The following FOXP1 variants were observed in gnomAD, a reference collection of about 807,000 sequenced individuals.
FOXP1 encodes the protein forkhead box protein P1.
In FOXP1, 15 loss-of-function variants were observed where a neutral mutation model predicts 98.2. That is an observed-to-expected ratio of 0.15 (90% CI 0.10 to 0.24). The LOEUF (loss-of-function observed/expected upper bound fraction) is 0.24, where lower values mean the gene tolerates loss of function less well. Among genes scored for constraint, FOXP1 ranks in the 10% least tolerant of loss-of-function variants. The pLI, the probability that FOXP1 is intolerant of heterozygous loss-of-function variation, is 1.00. For missense variants in FOXP1, 633 were observed against 848.5 expected (o/e 0.75, Z 3.15); for synonymous variants, 371 against 314.5 (o/e 1.18, Z -1.90).
chr3:71,044,676 TA>T, intron 10 of FOXP1, among the ~76,000 whole-genome samples: 1 of 152,332 alleles, frequency 6.6e-6, no homozygotes, highest in South Asian at 2.1e-4. Flanking sequence ...TTTTAACAGA[TA>T]ACCCCCAAGT....
At chr3:71,549,279 A>G (rs1039848974) in intron 2 of FOXP1, among the ~76,000 whole-genome samples, 1 of 152,240 alleles carries the variant, frequency 6.6e-6, no homozygotes, top group African/African-American at 2.4e-5. Context: ...TGTTTCTTTC[A>G]TGGCAACAGT....
intron 2 of FOXP1, chr3:71,572,830 C>T (rs1382371317): frequency 3.3e-5 from 5 of 152,004 alleles, no homozygotes; most frequent in Admixed American, 3.3e-4. Context: ...CTTTTTTGTG[C>T]CTTACATATT....
chr3:71,498,065 A>G (rs1207839592), intron 2 of FOXP1, among the ~76,000 whole-genome samples: 1 of 152,158 alleles, frequency 6.6e-6, no homozygotes, highest in East Asian at 1.9e-4. Flanking sequence ...GTGGCTACTA[A>G]GTCCTTTCCA....
At chr3:71,517,533 C>A (rs1267288401) in intron 2 of FOXP1, among the ~76,000 whole-genome samples, 2 of 152,224 alleles carry the variant, frequency 1.3e-5, no homozygotes, top group Non-Finnish European at 2.9e-5. Flanking sequence ...ACCAACACAG[C>A]AACTTGACCA....
intron 12 of FOXP1, among the ~76,000 whole-genome samples, chr3:71,002,493 G>C (rs957311125): frequency 6.6e-6 from 1 of 152,174 alleles, no homozygotes; most frequent in Non-Finnish European, 1.5e-5. Context: ...GGAAGCCCGA[G>C]CTAAGCAGTT....
At chr3:71,102,960 AC>A (rs2057098844) in intron 7 of FOXP1, among the ~76,000 whole-genome samples, 1 of 152,146 alleles carries the variant, frequency 6.6e-6, no homozygotes, top group South Asian at 2.1e-4. Context: ...AATAGAACTT[AC>A]CCCATATGGT....
intron 6 of FOXP1, among the ~76,000 whole-genome samples, chr3:71,133,815 C>T (rs547658080): frequency 1.3e-5 from 1 of 77,968 alleles, no homozygotes; most frequent in African/African-American, 3.0e-5. Flanking sequence ...GAAAGTCTAC[C>T]CCGAATATGT....
intron 5 of FOXP1, among the ~76,000 whole-genome samples, chr3:71,206,664 C>T (rs1366119076): frequency 6.6e-6 from 1 of 152,206 alleles, no homozygotes; most frequent in Admixed American, 6.5e-5. Flanking sequence ...TAAAGTTGTT[C>T]AGAGCAACTG....
intron 11 of FOXP1, chr3:71,040,231 T>A (rs1236843762): frequency 6.6e-6 from 1 of 152,142 alleles, no homozygotes; most frequent in East Asian, 1.9e-4. Context: ...TTTTGAGAAA[T>A]ATATGAAATT....
At chr3:71,225,865 C>T (rs182689857) in intron 5 of FOXP1, among the ~76,000 whole-genome samples, 23 of 152,224 alleles carry the variant, frequency 1.5e-4, no homozygotes, top group African/African-American at 5.3e-4. Context: ...AGAGGAAGAA[C>T]GGGTGCAGCA....
intron 4 of FOXP1, among the ~76,000 whole-genome samples, chr3:71,332,039 T>A (rs1188069688): frequency 1.3e-5 from 2 of 152,172 alleles, no homozygotes; most frequent in South Asian, 2.1e-4. Context: ...TGGGGCCACA[T>A]AGAGAAATAA....
At chr3:71,542,196 C>A in intron 2 of FOXP1, 1 of 380,072 alleles carries the variant, frequency 2.6e-6, no homozygotes. Context: ...TTTCATATGG[C>A]ACATAAATTT....
chr3:70,981,348 G>A (rs1353728562), intron 14 of FOXP1, among the ~76,000 whole-genome samples: 1 of 152,146 alleles, frequency 6.6e-6, no homozygotes, highest in African/African-American at 2.4e-5. Context: ...GAGCAGAGAG[G>A]GGGCTTACCA....
At chr3:70,973,193 CGCCTT>C (rs1412563814) in intron 17 of FOXP1, among the ~76,000 whole-genome samples, 1 of 152,106 alleles carries the variant, frequency 6.6e-6, no homozygotes, top group Non-Finnish European at 1.5e-5. Flanking sequence ...TTGAGAGTAT[CGCCTT>C]GTATAGTCAA....
At chr3:70,969,547 T>C (rs1007097548) in intron 19 of FOXP1, 1 of 152,182 alleles carries the variant, frequency 6.6e-6, no homozygotes, top group Non-Finnish European at 1.5e-5. Context: ...TAAATATCTG[T>C]TTAATGCAGA....
At chr3:71,396,931 TATAC>T (rs1463378959) in intron 3 of FOXP1, among the ~76,000 whole-genome samples, 1 of 93,854 alleles carries the variant, frequency 1.1e-5, no homozygotes, top group Admixed American at 1.1e-4. Flanking sequence ...TATATATATA[TATAC>T]ACATATATAT....
chr3:71,475,580 C>T (rs1477749353), intron 3 of FOXP1, among the ~76,000 whole-genome samples: 2 of 152,158 alleles, frequency 1.3e-5, no homozygotes, highest in South Asian at 2.1e-4. Flanking sequence ...CAGTGACTCA[C>T]GCCTGTAATC....
chr3:71,060,138 A>T (rs963002176), intron 7 of FOXP1, among the ~76,000 whole-genome samples: 1 of 152,056 alleles, frequency 6.6e-6, no homozygotes, highest in Admixed American at 6.5e-5. Flanking sequence ...TTTTTCCCAT[A>T]TTACTGAAAG....
rs113023703 is a variant in FOXP1 at position 71,286,293 on chromosome 3, T to C, written c.-12+13527A>G. On this transcript the variant is annotated intron_variant, in intron 5 of 20. Transcript: ENST00000649528. Reference sequence around the variant, plus strand: ...GAATTAGATGGGATATCTACCACCATGTAGAGTGTCCCCCGCCACCCCCGC... The same window carrying C: ...GAATTAGATGGGATATCTACCACCACGTAGAGTGTCCCCCGCCACCCCCGC... Among the ~76,000 whole-genome samples, 1,162 of 152,052 alleles carry C rather than the reference T, an allele frequency of 7.6e-3. 20 individuals carry two copies. Among genetic ancestry groups the C allele is most frequent in the African/African-American group, 0.026 (1,084 of 41,418 alleles).
Sources: allele counts gnomAD v4.1 joint callset (sites outside exome capture counted in the v4.1 genomes callset), GRCh38; gene constraint gnomAD v4.1.1; transcripts MANE v1.5; gene names NCBI Gene and HGNC (gene_info 2026-07-23, HGNC 2026-07-21).